The following FRMPD4 variants were observed in gnomAD, a reference collection of about 807,000 sequenced individuals.
FRMPD4 encodes FERM and PDZ domain containing 4.
Under a neutral mutation model 94.1 loss-of-function variants are expected in FRMPD4, and 22 were observed. The observed-to-expected ratio is 0.23, with a 90% CI of 0.17 to 0.33. The LOEUF (loss-of-function observed/expected upper bound fraction) is 0.33. Among genes scored for constraint, FRMPD4 ranks in the 10% least tolerant of loss-of-function variants. The pLI is 1.00. For missense variants in FRMPD4, 1,111 were observed against 1,339.9 expected, an observed-to-expected ratio of 0.83 and a Z score of 2.67; for synonymous variants, 631 against 548.6, an observed-to-expected ratio of 1.15 and a Z score of -2.10.
At chrX:12,680,036 C>T (rs1231057596) in intron 5 of FRMPD4, among the ~76,000 whole-genome samples, 1 of 111,968 alleles carries the variant, frequency 8.9e-6, no homozygotes, top group East Asian at 2.8e-4. Flanking sequence ...ATAAGTAATA[C>T]TGTACAGCTC....
intron 1 of FRMPD4, among the ~76,000 whole-genome samples, chrX:12,364,340 C>G (rs1431812191): frequency 9.0e-6 from 1 of 111,445 alleles, no homozygotes; most frequent in Non-Finnish European, 1.9e-5. Flanking sequence ...AAGGGTGCAA[C>G]TGTGTACAAG....
chrX:11,948,090 C>CAAAAA (rs11367252), intron 3 of FRMPD4, among the ~76,000 whole-genome samples: 2 of 56,590 alleles, frequency 3.5e-5, no homozygotes, highest in African/African-American at 7.1e-5. Context: ...AACTCCATCA[C>CAAAAA]AAAAAAAAAA....
intron 1 of FRMPD4, among the ~76,000 whole-genome samples, chrX:12,229,469 C>T (rs1462321737): frequency 8.9e-6 from 1 of 111,906 alleles, no homozygotes; most frequent in Non-Finnish European, 1.9e-5. Flanking sequence ...ACTTCTTACC[C>T]TTCCTACCCT....
At chrX:12,596,384 G>T (rs1345508777) in intron 2 of FRMPD4, among the ~76,000 whole-genome samples, 1 of 111,826 alleles carries the variant, frequency 8.9e-6, no homozygotes, top group Non-Finnish European at 1.9e-5. Context: ...CAAAATTGTT[G>T]TGCTTTCTTT....
At chrX:12,378,022 T>G (rs1021675096) in intron 1 of FRMPD4, among the ~76,000 whole-genome samples, 1 of 112,248 alleles carries the variant, frequency 8.9e-6, no homozygotes, top group African/African-American at 3.2e-5. Flanking sequence ...CTGCTGTTTA[T>G]TAGATGTTAT....
In FRMPD4 at chrX:12,686,159, T is replaced by C. The variant is rs767650312; in HGVS notation, c.636T>C (p.Asn212=). Residue 212 remains asparagine (N), a synonymous_variant, in exon 7 of 17, where the codon AAT becomes AAC. Coordinates refer to ENST00000675598, the MANE Select transcript of FRMPD4 (RefSeq NM_001368397.1). ...ATGTTTTGAAAGTCTATCTGGAAAATGGGCAGACCAAATCATTTCGTTTTG... is the reference window on the plus strand; with the variant it reads ...ATGTTTTGAAAGTCTATCTGGAAAACGGGCAGACCAAATCATTTCGTTTTG... ...MPNVLKVYLE[N]GQTKSFRFDC... 9 of 1,186,828 alleles carry C rather than the reference T, an allele frequency of 7.6e-6. No individual in the cohort carries two copies. The highest frequency in any genetic ancestry group is 2.2e-5 in the Admixed American group (1 of 45,829).
rs779754245 is a variant in FRMPD4 at position 12,717,838 on chromosome X, T to G, written c.3012T>G (p.Thr1004=). ...HMEMEPETME[T]KSVTDYFSKL... ...AGATGGAGCCTGAAACTATGGAGAC[T>G]AAGTCGGTCACTGACTATTTTAGCA... The change falls in exon 16 of 17, where the codon ACT becomes ACG. Residue 1004 remains threonine (T), a synonymous_variant. Coordinates refer to ENST00000675598, the MANE Select transcript of FRMPD4 (RefSeq NM_001368397.1). 9.1e-6 allele frequency: 11 copies of G among 1,210,486 alleles called. No individual in the cohort carries two copies. The Admixed American group carries it at 2.4e-4, about 26-fold the overall frequency.
chrX:12,518,151 T>A (rs1232365973), intron 2 of FRMPD4, among the ~76,000 whole-genome samples: 4 of 110,921 alleles, frequency 3.6e-5, no homozygotes, highest in African/African-American at 1.3e-4. Flanking sequence ...CCGCTGCCCT[T>A]CTCCATGGGA....
At chrX:12,148,338 G>A (rs1359289838) in intron 1 of FRMPD4, among the ~76,000 whole-genome samples, 1 of 112,229 alleles carries the variant, frequency 8.9e-6, no homozygotes, top group Non-Finnish European at 1.9e-5. Flanking sequence ...GAAAGTTTGA[G>A]TGGTCTGGAT....
chrX:12,294,158 G>T (rs981169524), intron 1 of FRMPD4, among the ~76,000 whole-genome samples: 3 of 111,355 alleles, frequency 2.7e-5, no homozygotes, highest in Non-Finnish European at 3.8e-5. Flanking sequence ...TCGTTTGGGG[G>T]TTGTGGGAGG....
chrX:12,590,421 TTCATTCATAG>T (rs2058971511), intron 2 of FRMPD4, among the ~76,000 whole-genome samples: 1 of 112,131 alleles, frequency 8.9e-6, no homozygotes, highest in South Asian at 3.7e-4. Flanking sequence ...GTTTCTCACC[TTCATTCATAG>T]TCTTGATTGA....
At chrX:12,688,914 A>G (rs759571520) in intron 7 of FRMPD4, among the ~76,000 whole-genome samples, 2 of 109,876 alleles carry the variant, frequency 1.8e-5, no homozygotes, top group South Asian at 4.2e-4. Flanking sequence ...AAAGAAAACT[A>G]TAAGTTTTCA....
chrX:12,309,135 G>A (rs948339946), intron 1 of FRMPD4, among the ~76,000 whole-genome samples: 6 of 112,078 alleles, frequency 5.4e-5, no homozygotes, highest in Non-Finnish European at 7.5e-5. Flanking sequence ...ATATAAACAA[G>A]TGAATATGGC....
intron 1 of FRMPD4, among the ~76,000 whole-genome samples, chrX:12,219,521 TA>T (rs2056841406): frequency 8.9e-6 from 1 of 112,392 alleles, no homozygotes; most frequent in South Asian, 3.7e-4. Context: ...CACATTCTAC[TA>T]ATAGTGCTCA....
intron 1 of FRMPD4, among the ~76,000 whole-genome samples, chrX:12,360,742 T>C (rs2055972752): frequency 8.9e-6 from 1 of 111,798 alleles, no homozygotes; most frequent in Admixed American, 9.5e-5. Flanking sequence ...ATGCTACATG[T>C]TCCTCCATAG....
intron 1 of FRMPD4, among the ~76,000 whole-genome samples, chrX:12,394,847 G>T (rs2056522848): frequency 8.9e-6 from 1 of 111,905 alleles, no homozygotes; most frequent in Non-Finnish European, 1.9e-5. Flanking sequence ...ATGGAGTATA[G>T]AGTACCTGTT....
chrX:12,576,796 G>T (rs2058816144), intron 2 of FRMPD4, among the ~76,000 whole-genome samples: 1 of 111,927 alleles, frequency 8.9e-6, no homozygotes, highest in African/African-American at 3.3e-5. Context: ...AACAAAAAAG[G>T]AAACAGAGAT....
At chrX:11,954,863 A>G (rs1450567698) in intron 3 of FRMPD4, among the ~76,000 whole-genome samples, 2 of 110,801 alleles carry the variant, frequency 1.8e-5, no homozygotes, top group Non-Finnish European at 3.8e-5. Context: ...TTAGCAGAAT[A>G]GGAAAGTCTT....
In FRMPD4 at chrX:12,632,161, G is replaced by A. The variant is rs181500726; in HGVS notation, c.422+17280G>A. Reference sequence around the variant, plus strand: ...CATCCAAGCTATGTAGTCTCCCTGCGTCCCCTTCCTGTCCTTAAGATGCAG... The same window carrying A: ...CATCCAAGCTATGTAGTCTCCCTGCATCCCCTTCCTGTCCTTAAGATGCAG... On this transcript the variant is annotated intron_variant, in intron 4 of 16. Transcript: ENST00000675598. 5.4e-5 allele frequency among the ~76,000 whole-genome samples: 6 copies of A among 111,875 alleles called. No homozygotes were observed. In the East Asian group the frequency reaches 8.4e-4, roughly 16 times the overall value.
Sources: allele counts gnomAD v4.1 joint callset (sites outside exome capture counted in the v4.1 genomes callset), GRCh38; gene constraint gnomAD v4.1.1; transcripts MANE v1.5; gene names NCBI Gene and HGNC (gene_info 2026-07-23, HGNC 2026-07-21).